NF1: variants seen among roughly 807,000 people sequenced by gnomAD.
The protein encoded by NF1 is neurofibromin.
A neutral mutation model predicts 325.7 loss-of-function variants in NF1; 122 were observed. The observed-to-expected ratio is 0.37, with a 90% CI of 0.32 to 0.44. The LOEUF (loss-of-function observed/expected upper bound fraction) is 0.44. Ranked by LOEUF, NF1 falls within the 20% of genes least tolerant of loss-of-function variation. The probability of loss-of-function intolerance (pLI) is 1.00; values close to 1 mark genes in which losing one functional copy is unlikely to be tolerated. For missense variants in NF1, 2,140 were observed against 3,415.4 expected (o/e 0.63, Z 9.31); for synonymous variants, 1,091 against 1,186.0 (o/e 0.92, Z 1.65).
chr17:31,263,753 G>T (rs1186477480), intron 35 of NF1, among the ~76,000 whole-genome samples: 1 of 150,958 alleles, frequency 6.6e-6, no homozygotes, highest in East Asian at 1.9e-4. Flanking sequence ...GATGCTCTTG[G>T]AGACCCATTT....
intron 4 of NF1, among the ~76,000 whole-genome samples, chr17:31,165,558 TA>T (rs1260997374): frequency 6.6e-5 from 10 of 152,214 alleles, no homozygotes; most frequent in African/African-American, 2.4e-4. Context: ...TTATATATAA[TA>T]GATGAATCAG....
intron 3 of NF1, among the ~76,000 whole-genome samples, chr17:31,161,992 C>T (rs2905809): frequency 0.54 from 78,072 of 144,002 alleles, 24,750 homozygotes; most frequent in Middle Eastern, 0.76. Flanking sequence ...GCCAAGATTG[C>T]GCCACTGCAC....
Position 31,375,540 on chromosome 17 carries a change from A to G in NF1, c.*1385A>G, listed in dbSNP as rs2070719433. 2 of 231,996 alleles carry G rather than the reference A, an allele frequency of 8.6e-6. No individual in the cohort carries two copies. The highest frequency in any genetic ancestry group is 1.3e-3 in the Middle Eastern group (1 of 794). 14.4% of individuals were successfully genotyped at this position (231,996 alleles called of 1,614,324 possible). A position where few individuals can be genotyped will look rare whatever the true frequency, so the allele number is the denominator to read the frequency against. Reference sequence around the variant, plus strand: ...AGCATATTGGTATCTGGATGTTCCAATTTAGAACTAAACCATATTTATTAC... The same window carrying G: ...AGCATATTGGTATCTGGATGTTCCAGTTTAGAACTAAACCATATTTATTAC... On this transcript the variant is annotated 3_prime_UTR_variant, in exon 58 of 58. Transcript: ENST00000358273.
intron 4 of NF1, among the ~76,000 whole-genome samples, chr17:31,169,654 T>A (rs2065900006): frequency 6.6e-6 from 1 of 152,058 alleles, no homozygotes; most frequent in Admixed American, 6.6e-5. Flanking sequence ...CAAGAGATCC[T>A]CCTCCCTTAG....
At chr17:31,179,021 G>T (rs1273770658) in intron 5 of NF1, among the ~76,000 whole-genome samples, 1 of 152,162 alleles carries the variant, frequency 6.6e-6, no homozygotes, top group African/African-American at 2.4e-5. Flanking sequence ...GGACCTAATA[G>T]ACATCTGCAG....
chr17:31,208,943 A>C (rs1296727678), intron 12 of NF1, among the ~76,000 whole-genome samples: 1 of 152,164 alleles, frequency 6.6e-6, no homozygotes, highest in African/African-American at 2.4e-5. Flanking sequence ...GAGTCTGGCA[A>C]CACAGGCAAA....
At chr17:31,275,325 C>T (rs2067984506) in intron 36 of NF1, among the ~76,000 whole-genome samples, 1 of 152,132 alleles carries the variant, frequency 6.6e-6, no homozygotes, top group Non-Finnish European at 1.5e-5. Flanking sequence ...TAGCCTAGCA[C>T]TGTGTCACAG....
At chr17:31,164,787 G>C (rs2065818811) in intron 4 of NF1, among the ~76,000 whole-genome samples, 2 of 152,026 alleles carry the variant, frequency 1.3e-5, no homozygotes, top group South Asian at 4.1e-4. Flanking sequence ...CAACCTCAAT[G>C]CAATTCTTGA....
At chr17:31,111,422 T>G (rs1368403884) in intron 1 of NF1, among the ~76,000 whole-genome samples, 1 of 152,002 alleles carries the variant, frequency 6.6e-6, no homozygotes, top group Non-Finnish European at 1.5e-5. Flanking sequence ...CCAAGCAGGA[T>G]GAACACAAAG....
rs775451791 is a variant in NF1, at chr17:31,334,826, AT to A, written c.5813-5del. ...ATTGACCATCACATGCTAATAGTGT[AT>A]TTTTTTCCAGGTATTGAATTGAAAC... On this transcript the variant is annotated splice_polypyrimidine_tract_variant and intron_variant, in intron 39 of 57. Transcript: ENST00000358273. 1.2e-6 allele frequency: 2 copies of A among 1,604,582 alleles called. No homozygotes were observed. Among genetic ancestry groups the A allele is most frequent in the African/African-American group, 1.3e-5 (1 of 74,660 alleles).
At chr17:31,345,189 G>A (rs1337150203) in intron 48 of NF1, among the ~76,000 whole-genome samples, 1 of 152,124 alleles carries the variant, frequency 6.6e-6, no homozygotes, top group Admixed American at 6.5e-5. Flanking sequence ...TTAAATGGGG[G>A]AAGGATTAAT....
chr17:31,118,563 A>T (rs1597580972), intron 1 of NF1, among the ~76,000 whole-genome samples: 1 of 148,166 alleles, frequency 6.7e-6, no homozygotes, highest in East Asian at 1.9e-4. Flanking sequence ...TTCCTGTGTT[A>T]GTTTGCTGAG....
intron 35 of NF1, among the ~76,000 whole-genome samples, chr17:31,264,859 C>CA (rs968162604): frequency 1.1e-4 from 17 of 151,402 alleles, no homozygotes; most frequent in Non-Finnish European, 2.1e-4. Flanking sequence ...TTCCATAAAT[C>CA]AAAAAAAATG....
intron 36 of NF1, among the ~76,000 whole-genome samples, chr17:31,312,521 A>G (rs2151518601): frequency 6.6e-6 from 1 of 150,832 alleles, no homozygotes; most frequent in African/African-American, 2.4e-5. Flanking sequence ...TCCATCTCAA[A>G]AAAAAAAAAA....
intron 1 of NF1, among the ~76,000 whole-genome samples, chr17:31,096,137 C>A (rs1185153075): frequency 3.3e-5 from 5 of 151,386 alleles, no homozygotes; most frequent in South Asian, 2.1e-4. Flanking sequence ...CTCTTCCCCC[C>A]CCCCTTTTTT....
chr17:31,202,546 T>C (rs575645060), intron 11 of NF1, among the ~76,000 whole-genome samples: 1 of 152,296 alleles, frequency 6.6e-6, no homozygotes, highest in East Asian at 1.9e-4. Flanking sequence ...AGGACAGTCC[T>C]TTGTTGTGCA....
At chr17:31,099,743 A>G (rs1912130769) in intron 1 of NF1, among the ~76,000 whole-genome samples, 1 of 151,736 alleles carries the variant, frequency 6.6e-6, no homozygotes. Flanking sequence ...TATTTTTAGT[A>G]GAGACGGGGG....
intron 22 of NF1, 23 bp from the exon 23 acceptor site, chr17:31,230,237 T>C: frequency 3.1e-6 from 5 of 1,612,544 alleles, no homozygotes; most frequent in Non-Finnish European, 4.2e-6. Context: ...GATAATTTTT[T>C]TATTGTTTCT....
chr17:31,236,183 C>T (rs1301089493), intron 29 of NF1, among the ~76,000 whole-genome samples, 162 bp downstream of exon 29: 2 of 151,620 alleles, frequency 1.3e-5, no homozygotes, highest in Non-Finnish European at 2.9e-5. Flanking sequence ...TTAATGATAT[C>T]TGTAATTTTT....
Sources: gnomAD v4.1 joint callset for allele counts (sites outside exome capture counted in the v4.1 genomes callset) on GRCh38, gnomAD v4.1.1 for gene constraint, MANE v1.5 for transcripts, NCBI Gene and HGNC (gene_info 2026-07-23, HGNC 2026-07-21) for gene names.